The following PHACTR4 variants were observed in gnomAD, a reference collection of about 807,000 sequenced individuals.
The protein encoded by PHACTR4 is protein phosphatase 1, regulatory subunit 124.
Under a neutral mutation model 72.7 loss-of-function variants are expected in PHACTR4, and 51 were observed. The observed-to-expected ratio is 0.70, with a 90% confidence interval of 0.56 to 0.89. The LOEUF is 0.89. Among genes scored for constraint, PHACTR4 ranks in the 40% least tolerant of loss-of-function variants. The pLI, the probability that PHACTR4 is intolerant of heterozygous loss-of-function variation, is 0.00. For missense variants in PHACTR4, 731 were observed against 861.8 expected, an observed-to-expected ratio of 0.85 and a Z score of 1.90; for synonymous variants, 255 against 302.5, an observed-to-expected ratio of 0.84 and a Z score of 1.63.
intron 2 of PHACTR4, among the ~76,000 whole-genome samples, chr1:28,414,801 A>T (rs1282084685): frequency 6.6e-6 from 1 of 152,200 alleles, no homozygotes; most frequent in African/African-American, 2.4e-5. Context: ...AGTGTAGGAC[A>T]GACATTGAAG....
intron 2 of PHACTR4, among the ~76,000 whole-genome samples, chr1:28,422,052 A>G (rs1655543955): frequency 1.3e-5 from 2 of 152,224 alleles, no homozygotes; most frequent in African/African-American, 4.8e-5. Context: ...TTACATTTTC[A>G]GCTCTCAAAG....
intron 1 of PHACTR4, among the ~76,000 whole-genome samples, chr1:28,390,481 A>G (rs1294444582): frequency 2.6e-5 from 4 of 152,316 alleles, no homozygotes; most frequent in African/African-American, 9.6e-5. Flanking sequence ...ATTACAGAAT[A>G]TAATTCTAAT....
chr1:28,468,922 A>C (rs1205937524), intron 6 of PHACTR4, among the ~76,000 whole-genome samples: 1 of 152,184 alleles, frequency 6.6e-6, no homozygotes, highest in African/African-American at 2.4e-5. Flanking sequence ...TAAAATGATA[A>C]TTTGTGTATG....
rs539985474 is a variant in PHACTR4, at chr1:28,449,149, AAACAAC to A, written c.17-9920_17-9915del. 5.9e-5 allele frequency among the ~76,000 whole-genome samples: 9 copies of A among 151,926 alleles called. 1 individual carries two copies. In the South Asian group the frequency reaches 1.7e-3, roughly 28 times the overall value. ...AAGAGTGAGACACTGTCTCAAAACAAAACAACAACAACAACAACAACTGGCTGTGCC... is the reference window on the plus strand; with the variant it reads ...AAGAGTGAGACACTGTCTCAAAACAAAACAACAACAACAACTGGCTGTGCC... On this transcript the variant is annotated intron_variant, in intron 2 of 13. Transcript: ENST00000373839.
intron 2 of PHACTR4, chr1:28,438,259 C>T: frequency 6.9e-7 from 1 of 1,444,322 alleles, no homozygotes; most frequent in East Asian, 2.7e-5. Context: ...ATGCCATTTC[C>T]TGATGTTTGG....
chr1:28,410,106 A>G (rs1654676490), intron 2 of PHACTR4, among the ~76,000 whole-genome samples: 1 of 151,844 alleles, frequency 6.6e-6, no homozygotes, highest in Non-Finnish European at 1.5e-5. Context: ...AGCTGGGACT[A>G]CAGGCACGTG....
intron 2 of PHACTR4, among the ~76,000 whole-genome samples, chr1:28,420,317 G>C (rs575992441): frequency 1.3e-5 from 2 of 152,110 alleles, no homozygotes; most frequent in African/African-American, 2.4e-5. Flanking sequence ...AATTATGGGG[G>C]CAGTTTACCC....
At chr1:28,477,252 A>AT (rs898783296) in intron 8 of PHACTR4, among the ~76,000 whole-genome samples, 6 of 150,642 alleles carry the variant, frequency 4.0e-5, no homozygotes, top group African/African-American at 9.7e-5. Flanking sequence ...GGCCCAGCTA[A>AT]TTTTTTTTTA....
At position 28,371,585 on chromosome 1, in the gene PHACTR4, G is replaced by A. The variant is rs142291224; in HGVS notation, c.-39+1760G>A. 8.6e-5 allele frequency among the ~76,000 whole-genome samples: 13 copies of A among 151,940 alleles called. 1 individual carries two copies. The East Asian group carries it at 1.6e-3, about 18-fold the overall frequency. On this transcript the variant is annotated intron_variant, in intron 1 of 13. Coordinates refer to ENST00000373839, the MANE Select transcript of PHACTR4 (RefSeq NM_001048183.3). Reference sequence around the variant, plus strand: ...GCTGGGATTACAAGCGTGAGCCACCGTGCCTGGCCAATTTTTATGTATTTA... The same window carrying A: ...GCTGGGATTACAAGCGTGAGCCACCATGCCTGGCCAATTTTTATGTATTTA...
intron 1 of PHACTR4, among the ~76,000 whole-genome samples, chr1:28,377,837 A>T (rs1651803947): frequency 6.6e-6 from 1 of 151,930 alleles, no homozygotes; most frequent in Admixed American, 6.6e-5. Context: ...ATCTCAAAAA[A>T]AAAAAAAAAA....
chr1:28,496,729 G>A lies in PHACTR4; in HGVS notation c.*180G>A, dbSNP rs549351517. 2.5e-5 allele frequency: 17 copies of A among 693,234 alleles called. No homozygotes were observed. The highest frequency in any genetic ancestry group is 1.7e-4 in the South Asian group (10 of 57,658). 42.9% of individuals were successfully genotyped at this position (693,234 alleles called of 1,614,324 possible). On this transcript the variant is annotated 3_prime_UTR_variant, in exon 14 of 14. Coordinates refer to ENST00000373839, the MANE Select transcript of PHACTR4 (RefSeq NM_001048183.3). ...GGAACAGAGTCTTATGTGCTGCACC[G>A]GGGGCAAAACAACACTTTGTCAGTG...
chr1:28,466,516 T>C lies in PHACTR4; in HGVS notation c.571T>C (p.Ser191Pro). 2 of 1,614,038 alleles carry C rather than the reference T, an allele frequency of 1.2e-6. No homozygotes were observed. The highest frequency in any genetic ancestry group is 1.7e-6 in the Non-Finnish European group (2 of 1,180,012). The change falls in exon 6 of 14, where the codon TCC (serine) becomes CCC (proline). Residue 191 changes from serine (S) to proline (P), a missense_variant. Coordinates refer to ENST00000373839, the MANE Select transcript of PHACTR4 (RefSeq NM_001048183.3). ...ASEGQAKDAT[S>P]SGGTARFIIS... ...TGAAGGGCAAGCAAAGGATGCCACT[T>C]CCTCTGGCGGCACGGCAAGGTTCAT... is the stretch of plus-strand genomic sequence containing the variant.
chr1:28,480,388 G>C, intron 8 of PHACTR4, 63 bp from the exon 9 acceptor site: 1 of 1,577,222 alleles, frequency 6.3e-7, no homozygotes, highest in East Asian at 2.2e-5. Flanking sequence ...CTAGCTCCAG[G>C]TAAGGTTGAA....
At chr1:28,434,510 C>T (rs374672834) in intron 2 of PHACTR4, among the ~76,000 whole-genome samples, 2 of 151,622 alleles carry the variant, frequency 1.3e-5, no homozygotes, top group Non-Finnish European at 2.9e-5. Flanking sequence ...TTAGTAGAGA[C>T]GGGATTTCAC....
chr1:28,454,426 G>T (rs1658220488), intron 2 of PHACTR4, among the ~76,000 whole-genome samples: 1 of 151,752 alleles, frequency 6.6e-6, no homozygotes, highest in South Asian at 2.1e-4. Context: ...ATAGGCACCC[G>T]CCACTGCGCC....
At chr1:28,389,756 C>T (rs934161390) in intron 1 of PHACTR4, among the ~76,000 whole-genome samples, 1 of 152,078 alleles carries the variant, frequency 6.6e-6, no homozygotes, top group Non-Finnish European at 1.5e-5. Flanking sequence ...GGATTACAGG[C>T]GTGAGCCACC....
At chr1:28,385,203 G>A (rs1467925960) in intron 1 of PHACTR4, among the ~76,000 whole-genome samples, 3 of 152,016 alleles carry the variant, frequency 2.0e-5, no homozygotes, top group South Asian at 2.1e-4. Context: ...GTTTTCATTA[G>A]TTTCAAAGAA....
intron 1 of PHACTR4, among the ~76,000 whole-genome samples, chr1:28,379,952 C>A (rs1358326622): frequency 3.3e-5 from 5 of 150,946 alleles, no homozygotes; most frequent in African/African-American, 1.2e-4. Flanking sequence ...ATATTATATT[C>A]TCAACTTGTG....
At chr1:28,408,842 ATT>A (rs112708658) in intron 2 of PHACTR4, among the ~76,000 whole-genome samples, 10 of 130,374 alleles carry the variant, frequency 7.7e-5, no homozygotes, top group Non-Finnish European at 9.8e-5. Flanking sequence ...TGCCCGACTG[ATT>A]TTTTTTTTTT....
Sources: allele counts gnomAD v4.1 joint callset (sites outside exome capture counted in the v4.1 genomes callset), GRCh38; gene constraint gnomAD v4.1.1; transcripts MANE v1.5; gene names NCBI Gene and HGNC (gene_info 2026-07-23, HGNC 2026-07-21).